ANKFN1: variants seen among roughly 807,000 people sequenced by gnomAD.
The protein encoded by ANKFN1 is ankyrin repeat and fibronectin type-III domain-containing protein 1.
In ANKFN1, 74 loss-of-function variants were observed where a neutral mutation model predicts 108.7. The ratio of observed to expected loss-of-function variants is 0.68; its 90% CI spans 0.56 to 0.83. The LOEUF is 0.83. Ranked by LOEUF, ANKFN1 falls within the 40% of genes least tolerant of loss-of-function variation. The probability of loss-of-function intolerance (pLI) is 0.00; values close to 1 mark genes in which losing one functional copy is unlikely to be tolerated. For synonymous variants in ANKFN1, 547 were observed against 516.2 expected (o/e 1.06, Z -0.81); for missense variants, 1,505 against 1,382.3 (o/e 1.09, Z -1.41).
chr17:56,081,331 T>C (rs1567783016), intron 4 of ANKFN1, among the ~76,000 whole-genome samples: 2 of 147,210 alleles, frequency 1.4e-5, no homozygotes, highest in African/African-American at 5.0e-5. Flanking sequence ...TAAGGTTTTA[T>C]TTGTTTATTT....
chr17:56,402,880 C>G (rs12948834), intron 8 of ANKFN1, among the ~76,000 whole-genome samples: 94,600 of 151,880 alleles, frequency 0.62, 31,045 homozygotes, highest in East Asian at 0.96. Context: ...TTGCTGTATC[C>G]CAGAGGTTTC....
chr17:56,189,175 T>TTTTTTTTTTTTTTTTTTTTG, intron 1 of ANKFN1, among the ~76,000 whole-genome samples: 1 of 113,798 alleles, frequency 8.8e-6, no homozygotes, highest in African/African-American at 4.7e-5. Flanking sequence ...CCTGACTTTT[T>TTTTTTTTTTTTTTTTTTTTG]TTTTTTTTTT....
chr17:56,284,911 C>T (rs1372859122), intron 3 of ANKFN1, among the ~76,000 whole-genome samples: 5 of 152,128 alleles, frequency 3.3e-5, no homozygotes, highest in Non-Finnish European at 7.4e-5. Context: ...CTCCCCAACT[C>T]CCCAGAGGAG....
At chr17:56,084,970 C>T (rs781505882) in intron 4 of ANKFN1, among the ~76,000 whole-genome samples, 4 of 150,696 alleles carry the variant, frequency 2.7e-5, no homozygotes, top group Non-Finnish European at 4.4e-5. Flanking sequence ...AATCTGGGCT[C>T]AGTTCAAGAT....
At chr17:56,385,531 G>C (rs56817500) in intron 8 of ANKFN1, among the ~76,000 whole-genome samples, 16,751 of 152,084 alleles carry the variant, frequency 0.11, 3,069 homozygotes, top group African/African-American at 0.38. Context: ...GAGTGAACAA[G>C]CAACCTACAA....
chr17:56,205,228 A>G lies in ANKFN1; in HGVS notation c.-70-7370A>G, dbSNP rs564613447. On this transcript the variant is annotated intron_variant, in intron 1 of 20. Coordinates refer to ENST00000682825, the MANE Select transcript of ANKFN1 (RefSeq NM_001370326.1). Reference sequence around the variant, plus strand: ...TGAAGAGTTTATTTCTCCGTGGTACAAAGGGGTGACTACCCAGTCTTGTTC... The same window carrying G: ...TGAAGAGTTTATTTCTCCGTGGTACGAAGGGGTGACTACCCAGTCTTGTTC... Among the ~76,000 whole-genome samples, 21 of 152,346 alleles carry G rather than the reference A, an allele frequency of 1.4e-4. 1 individual carries two copies. In the South Asian group the frequency reaches 4.3e-3, roughly 32 times the overall value.
At chr17:56,088,851 G>T (rs1480868208) in intron 4 of ANKFN1, among the ~76,000 whole-genome samples, 1 of 151,302 alleles carries the variant, frequency 6.6e-6, no homozygotes, top group Non-Finnish European at 1.5e-5. Flanking sequence ...AAGGCTAATA[G>T]CTTCTTTAGC....
chr17:56,089,317 C>G (rs1905372485), intron 4 of ANKFN1, among the ~76,000 whole-genome samples: 1 of 151,330 alleles, frequency 6.6e-6, no homozygotes, highest in African/African-American at 2.4e-5. Flanking sequence ...TATTGATGAA[C>G]ACTTAGATTG....
chr17:56,081,984 T>G (rs971968042), intron 4 of ANKFN1, among the ~76,000 whole-genome samples: 1 of 152,180 alleles, frequency 6.6e-6, no homozygotes, highest in African/African-American at 2.4e-5. Flanking sequence ...GTTTTCTCTA[T>G]CTACAGGGAA....
At chr17:56,049,227 T>A (rs4794614) in intron 4 of ANKFN1, among the ~76,000 whole-genome samples, 124,868 of 152,074 alleles carry the variant, frequency 0.82, 51,931 homozygotes, top group African/African-American at 0.94. Context: ...CTTCAGTGAT[T>A]ATCTCTTTTA....
intron 1 of ANKFN1, among the ~76,000 whole-genome samples, chr17:56,170,184 G>A (rs80259779): frequency 0.01 from 1,554 of 152,202 alleles, 28 homozygotes; most frequent in African/African-American, 0.035. Context: ...GATTAGTGAA[G>A]GCACCCATTC....
intron 6 of ANKFN1, among the ~76,000 whole-genome samples, chr17:56,357,589 T>C (rs1436653423): frequency 1.3e-5 from 2 of 152,194 alleles, no homozygotes; most frequent in African/African-American, 4.8e-5. Context: ...GTGTCAGTCG[T>C]GTTGGAGAGA....
chr17:56,059,508 A>C (rs547529413), intron 4 of ANKFN1, among the ~76,000 whole-genome samples: 23 of 152,212 alleles, frequency 1.5e-4, no homozygotes, highest in South Asian at 8.3e-4. Flanking sequence ...GTCTTTGCCT[A>C]TGCCTATGTC....
In ANKFN1 at chr17:56,466,414, A is replaced by G. The variant is rs773050856; in HGVS notation, c.1616A>G (p.His539Arg). 6 of 1,614,084 alleles carry G rather than the reference A, an allele frequency of 3.7e-6. No homozygotes were observed. In the African/African-American group the frequency reaches 5.3e-5, roughly 14 times the overall value. Reference sequence around the variant, plus strand: ...TACTATGAGCCCATTAAAGATCGACATGGAAACATACTCATAGTCACCATC... The same window carrying G: ...TACTATGAGCCCATTAAAGATCGACGTGGAAACATACTCATAGTCACCATC... ...RVYYEPIKDRHGNILIVTIRE... is the reference protein window; with the variant it reads ...RVYYEPIKDRRGNILIVTIRE... The change falls in exon 15 of 21, where the codon CAT becomes CGT. Residue 539 changes from histidine (H) to arginine (R), a missense_variant. By Grantham distance (29) the His-to-Arg change is conservative. Coordinates refer to ENST00000682825, the MANE Select transcript of ANKFN1 (RefSeq NM_001370326.1).
At chr17:56,344,349 A>G (rs545578830) in intron 4 of ANKFN1, among the ~76,000 whole-genome samples, 20 of 152,178 alleles carry the variant, frequency 1.3e-4, no homozygotes, top group South Asian at 1.2e-3. Context: ...AGATTTCCTT[A>G]AATGCCTAGA....
At chr17:56,404,938 C>A (rs1481859562) in intron 8 of ANKFN1, among the ~76,000 whole-genome samples, 6 of 152,192 alleles carry the variant, frequency 3.9e-5, no homozygotes, top group South Asian at 2.1e-4. Context: ...TCTTCTGGGT[C>A]TAGCAACCCA....
At chr17:56,501,225 C>G (rs768439766) in intron 20 of ANKFN1, among the ~76,000 whole-genome samples, 6 of 152,130 alleles carry the variant, frequency 3.9e-5, no homozygotes, top group African/African-American at 7.2e-5. Flanking sequence ...AAGACAGAAG[C>G]CAGAAGCCAG....
chr17:56,477,641 A>G lies in ANKFN1; in HGVS notation c.1927A>G (p.Asn643Asp), dbSNP rs144929793. 1.2e-6 allele frequency: 2 copies of G among 1,612,360 alleles called. No individual in the cohort carries two copies. The highest frequency in any genetic ancestry group is 1.7e-6 in the Non-Finnish European group (2 of 1,179,486). Residue 643 changes from asparagine (N) to aspartate (D), a missense_variant, in exon 16 of 21, where the codon AAT becomes GAT. By Grantham distance (23) the Asn-to-Asp change is conservative. Coordinates refer to ENST00000682825, the MANE Select transcript of ANKFN1 (RefSeq NM_001370326.1). ...CTGCCACGTGAAGATCCGTGAAAAC[A>G]ATAATATTTCTAGGTAAGTGATCAG... is the stretch of plus-strand genomic sequence containing the variant. ...ILCHVKIREN[N>D]NISREEWEWI... is the part of the protein sequence containing the mutation.
chr17:56,132,709 G>A (rs1419404275), intron 4 of ANKFN1, among the ~76,000 whole-genome samples: 1 of 152,080 alleles, frequency 6.6e-6, no homozygotes, highest in African/African-American at 2.4e-5. Flanking sequence ...TGTAGATTCA[G>A]CATCTGATGA....
Sources: allele counts gnomAD v4.1 joint callset (sites outside exome capture counted in the v4.1 genomes callset), GRCh38; gene constraint gnomAD v4.1.1; transcripts MANE v1.5; gene names NCBI Gene and HGNC (gene_info 2026-07-23, HGNC 2026-07-21).